FARS2: variants seen among roughly 807,000 people sequenced by gnomAD.
FARS2 encodes phenylalanyl-tRNA synthetase 2, mitochondrial.
In FARS2, 40 loss-of-function variants were observed where a neutral mutation model predicts 46.4. The observed-to-expected ratio is 0.86, with a 90% CI of 0.67 to 1.12. The LOEUF (loss-of-function observed/expected upper bound fraction) is 1.12, where lower values mean the gene tolerates loss of function less well. FARS2 is among the 50% of genes most tolerant of loss of function. FARS2 has a pLI of 0.00. For missense variants in FARS2, 513 were observed against 567.9 expected (o/e 0.90, Z 0.98); for synonymous variants, 234 against 214.9 (o/e 1.09, Z -0.78).
At chr6:5,349,596 A>G (rs811274) in intron 1 of FARS2, among the ~76,000 whole-genome samples, 26,412 of 152,216 alleles carry the variant, frequency 0.17, 3,818 homozygotes, top group African/African-American at 0.4. Flanking sequence ...AATGTCTTCA[A>G]TTAGCCTGGT....
Position 5,768,072 on chromosome 6 carries a change from A to G in FARS2, c.1218-3219A>G, listed in dbSNP as rs562194284. On this transcript the variant is annotated intron_variant, in intron 6 of 6. Coordinates refer to ENST00000274680, the MANE Select transcript of FARS2 (RefSeq NM_006567.5). Reference sequence around the variant, plus strand: ...CCACTCCTGACCACTTGCCAGCTCCATTCTTTCAGCTCTCCAACATGAAAA... The same window carrying G: ...CCACTCCTGACCACTTGCCAGCTCCGTTCTTTCAGCTCTCCAACATGAAAA... 3.9e-5 allele frequency among the ~76,000 whole-genome samples: 6 copies of G among 152,242 alleles called. No homozygotes were observed. The South Asian group carries it at 1.2e-3, about 32-fold the overall frequency.
Position 5,394,518 on chromosome 6 carries a change from TCTTC to T in FARS2, c.613-10020_613-10017del, listed in dbSNP as rs371154658. The stretch of plus-strand genomic sequence containing the variant: ...ATGAAGCATTTTTCAGAGTGTATCC[TCTTC>T]CTTAAGTGACACATGCTTGTGTGTG... On this transcript the variant is annotated intron_variant, in intron 2 of 6. Coordinates refer to ENST00000274680, the MANE Select transcript of FARS2 (RefSeq NM_006567.5). Among the ~76,000 whole-genome samples, 46 of 152,364 alleles carry T rather than the reference TCTTC, an allele frequency of 3.0e-4. No homozygotes were observed. The East Asian group carries it at 8.3e-3, about 27-fold the overall frequency.
At chr6:5,526,338 C>T (rs1042266960) in intron 4 of FARS2, among the ~76,000 whole-genome samples, 5 of 152,160 alleles carry the variant, frequency 3.3e-5, no homozygotes, top group Non-Finnish European at 7.3e-5. Flanking sequence ...CTCAATGACT[C>T]CTTTATCTAC....
At chr6:5,500,970 G>C (rs1767766793) in intron 4 of FARS2, among the ~76,000 whole-genome samples, 2 of 133,950 alleles carry the variant, frequency 1.5e-5, no homozygotes, top group South Asian at 2.4e-4. Flanking sequence ...GAGAGAGAGA[G>C]ATGCCAGGTC....
At chr6:5,260,598 T>TACCCCGG, upstream of FARS2, 4 of 1,105,568 alleles carry the variant, frequency 3.6e-6, no homozygotes, top group African/African-American at 1.7e-5. Context: ...GCACCCCCGG[T>TACCCCGG]CCCCGGCCCC....
At position 5,545,622 on chromosome 6, in the gene FARS2, G is replaced by A. The variant is rs142841067; in HGVS notation, c.1065+282G>A. The stretch of plus-strand genomic sequence containing the variant: ...TCTGCCTCCCCTTGCCTGCCACCCC[G>A]CAACAGGCCCCGGTGTGTGATGTTC... On this transcript the variant is annotated intron_variant, in intron 5 of 6. Transcript: ENST00000274680. 0.016 allele frequency among the ~76,000 whole-genome samples: 2,402 copies of A among 150,732 alleles called. 62 individuals carry two copies. The highest frequency in any genetic ancestry group is 0.049 in the African/African-American group (2,011 of 40,708).
intron 5 of FARS2, among the ~76,000 whole-genome samples, chr6:5,589,097 G>A (rs1256113964): frequency 6.6e-6 from 1 of 152,172 alleles, no homozygotes; most frequent in Non-Finnish European, 1.5e-5. Context: ...TCAAGGAACT[G>A]CATCTCTGAT....
At position 5,315,741 on chromosome 6, in the gene FARS2, C is replaced by T. The variant is rs2552284; in HGVS notation, c.-21-52809C>T. The stretch of plus-strand genomic sequence containing the variant: ...CTCTTTCTTTCTTTCTTTCTTTTTT[C>T]CTTTCTTTCTTTCTTTCTTTTTTTT... On this transcript the variant is annotated intron_variant, in intron 1 of 6. Transcript: ENST00000274680. Among the ~76,000 whole-genome samples the T allele has an allele frequency of 6.3e-3, 376 of 59,852 alleles. 2 individuals are homozygous for T. Among genetic ancestry groups the T allele is most frequent in the East Asian group, 0.02 (16 of 786 alleles). 39.3% of individuals were successfully genotyped at this position (59,852 alleles called of 152,430 possible).
Position 5,465,573 on chromosome 6 carries a change from ATC to A in FARS2, c.904+34403_904+34404del, listed in dbSNP as rs374771074. 1.9e-3 allele frequency among the ~76,000 whole-genome samples: 295 copies of A among 152,158 alleles called. 2 individuals are homozygous for A. Among genetic ancestry groups the A allele is most frequent in the African/African-American group, 6.7e-3 (278 of 41,518 alleles). ...TAAAGACCCCCTGGTCTTTCCATTT[ATC>A]TGTTTCATCCCCATTAACACTGATG... On this transcript the variant is annotated intron_variant, in intron 4 of 6. Coordinates refer to ENST00000274680, the MANE Select transcript of FARS2 (RefSeq NM_006567.5).
At chr6:5,275,398 A>G (rs1019207797) in intron 1 of FARS2, among the ~76,000 whole-genome samples, 2 of 151,916 alleles carry the variant, frequency 1.3e-5, no homozygotes, top group Non-Finnish European at 2.9e-5. Flanking sequence ...TTAACTTTTT[A>G]TAATTTAAAA....
intron 1 of FARS2, among the ~76,000 whole-genome samples, chr6:5,353,916 A>G (rs1293354621): frequency 6.7e-5 from 10 of 149,972 alleles, no homozygotes; most frequent in Admixed American, 6.0e-4. Context: ...AGGACAAACC[A>G]GGCTTTTCAT....
chr6:5,250,584 C>T, the FARS2 span, among the ~76,000 whole-genome samples: 7 of 152,268 alleles, frequency 4.6e-5, no homozygotes, highest in South Asian at 1.4e-3. Context: ...TTTCAAAAGT[C>T]TAAGAAACTG....
At chr6:5,531,003 T>A (rs1769792344) in intron 4 of FARS2, among the ~76,000 whole-genome samples, 1 of 151,490 alleles carries the variant, frequency 6.6e-6, no homozygotes, top group African/African-American at 2.4e-5. Flanking sequence ...GATCTCCAGC[T>A]TTTTGCTCCT....
At chr6:5,541,241 G>A (rs1486224334) in intron 4 of FARS2, among the ~76,000 whole-genome samples, 1 of 152,160 alleles carries the variant, frequency 6.6e-6, no homozygotes, top group Non-Finnish European at 1.5e-5. Flanking sequence ...TAACCACAGA[G>A]GCTGAGAGTA....
At chr6:5,648,573 G>A (rs1777191712) in intron 6 of FARS2, among the ~76,000 whole-genome samples, 1 of 152,094 alleles carries the variant, frequency 6.6e-6, no homozygotes, top group South Asian at 2.1e-4. Flanking sequence ...GGTCCTTCCT[G>A]GGTTCCTATT....
intron 4 of FARS2, chr6:5,452,453 T>G (rs180689069): frequency 6.6e-6 from 1 of 152,450 alleles, no homozygotes; most frequent in East Asian, 1.9e-4. Context: ...AAGGAACTGT[T>G]GAATGTGCCA....
At chr6:5,390,781 C>A (rs913794799) in intron 2 of FARS2, among the ~76,000 whole-genome samples, 2 of 152,192 alleles carry the variant, frequency 1.3e-5, no homozygotes, top group African/African-American at 4.8e-5. Context: ...GGTATGGCCC[C>A]TTTCCCGTAC....
chr6:5,332,007 C>T (rs1172008260), intron 1 of FARS2, among the ~76,000 whole-genome samples: 1 of 152,132 alleles, frequency 6.6e-6, no homozygotes, highest in Non-Finnish European at 1.5e-5. Context: ...TATGTTATTT[C>T]ATTGAGTTTT....
At chr6:5,417,011 A>G (rs1762278345) in intron 3 of FARS2, among the ~76,000 whole-genome samples, 1 of 152,212 alleles carries the variant, frequency 6.6e-6, no homozygotes, top group Non-Finnish European at 1.5e-5. Context: ...AATAGTAAGA[A>G]AAGTCTTTAT....
Sources: allele counts gnomAD v4.1 joint callset (sites outside exome capture counted in the v4.1 genomes callset), GRCh38; gene constraint gnomAD v4.1.1; transcripts MANE v1.5; gene names NCBI Gene and HGNC (gene_info 2026-07-23, HGNC 2026-07-21).